Variants in NCKAP5 observed in about 807,000 individuals in gnomAD.
NCKAP5 encodes NCK associated protein 5.
Under a neutral mutation model 167.0 loss-of-function variants are expected in NCKAP5, and 92 were observed. That is an observed-to-expected ratio of 0.55 (90% CI 0.47 to 0.66). The LOEUF is 0.66. NCKAP5 is among the 30% of genes least tolerant of loss of function. The probability of loss-of-function intolerance (pLI) is 0.00; values close to 1 mark genes in which losing one functional copy is unlikely to be tolerated. For missense variants in NCKAP5, 2,378 were observed against 2,315.0 expected (o/e 1.03, Z -0.56); for synonymous variants, 891 against 877.4 (o/e 1.02, Z -0.27).
chr2:133,569,875 A>G (rs1688795126), upstream of NCKAP5, among the ~76,000 whole-genome samples: 1 of 152,152 alleles, frequency 6.6e-6, no homozygotes, highest in African/African-American at 2.4e-5. Context: ...CCATGTTAAG[A>G]GAAAGTAAAT....
At chr2:133,670,376 T>C in the NCKAP5 span, among the ~76,000 whole-genome samples, 1 of 152,180 alleles carries the variant, frequency 6.6e-6, no homozygotes, top group Non-Finnish European at 1.5e-5. Context: ...AAAAAGAAGG[T>C]ATGTTTCAAA....
chr2:132,942,370 TGAG>T (rs138514737), intron 8 of NCKAP5, among the ~76,000 whole-genome samples: 3,016 of 152,292 alleles, frequency 0.02, 92 homozygotes, highest in African/African-American at 0.055. Flanking sequence ...TCTGTGGGGC[TGAG>T]GTTGGGCCTG....
the NCKAP5 span, among the ~76,000 whole-genome samples, chr2:133,615,758 C>A: frequency 3.9e-5 from 6 of 152,110 alleles, no homozygotes; most frequent in Non-Finnish European, 7.3e-5. Context: ...AGAAAGTCAA[C>A]AAGGATACCC....
intron 11 of NCKAP5, among the ~76,000 whole-genome samples, chr2:132,800,682 T>C (rs1684955085): frequency 6.6e-6 from 1 of 152,128 alleles, no homozygotes; most frequent in Non-Finnish European, 1.5e-5. Context: ...TCCTGTTCAG[T>C]ATTCAGGATG....
chr2:133,335,618 G>A (rs1281116455), intron 3 of NCKAP5, among the ~76,000 whole-genome samples: 2 of 152,086 alleles, frequency 1.3e-5, no homozygotes, highest in Non-Finnish European at 2.9e-5. Context: ...AAAAATTTTT[G>A]CCTGATGATA....
At chr2:133,638,385 GC>G in the NCKAP5 span, among the ~76,000 whole-genome samples, 1 of 152,094 alleles carries the variant, frequency 6.6e-6, no homozygotes, top group Non-Finnish European at 1.5e-5. Flanking sequence ...ATTAAATTAA[GC>G]ACGCATATAA....
chr2:132,836,016 A>G (rs1426689785), intron 11 of NCKAP5, among the ~76,000 whole-genome samples: 1 of 152,192 alleles, frequency 6.6e-6, no homozygotes, highest in African/African-American at 2.4e-5. Flanking sequence ...TTGATGGGAC[A>G]ACTGAGGTAT....
At chr2:133,454,737 G>A (rs576485942) in intron 3 of NCKAP5, among the ~76,000 whole-genome samples, 2 of 152,022 alleles carry the variant, frequency 1.3e-5, no homozygotes, top group African/African-American at 2.4e-5. Flanking sequence ...CAGGTTGTAC[G>A]GGCCTACATA....
At chr2:133,440,833 T>C (rs1450923121) in intron 3 of NCKAP5, among the ~76,000 whole-genome samples, 1 of 151,742 alleles carries the variant, frequency 6.6e-6, no homozygotes, top group Non-Finnish European at 1.5e-5. Context: ...ATTCTAAGCC[T>C]TCCAGTTGCA....
intron 8 of NCKAP5, among the ~76,000 whole-genome samples, chr2:132,957,692 AT>A (rs146170348): frequency 0.022 from 3,356 of 152,292 alleles, 119 homozygotes; most frequent in East Asian, 0.093. Flanking sequence ...AACCTAAAAA[AT>A]ATTACTCTAA....
rs1441300319 is a variant in NCKAP5 at position 133,526,212 on chromosome 2, GAAGGAAGGAAGGAAGA to G, written c.-61-8641_-61-8626del. Among the ~76,000 whole-genome samples the G allele has an allele frequency of 9.9e-4, 133 of 133,928 alleles. 1 individual carries two copies. The highest frequency in any genetic ancestry group is 3.4e-3 in the Admixed American group (42 of 12,248). 87.9% of individuals were successfully genotyped at this position (133,928 alleles called of 152,430 possible). On this transcript the variant is annotated intron_variant, in intron 2 of 19. Coordinates refer to ENST00000409261, the MANE Select transcript of NCKAP5 (RefSeq NM_207363.3). ...GGAAGGAAGGAAGGAAGGAAGGAAG[GAAGGAAGGAAGGAAGA>G]AAGGAAAGGAGGGAGGGAAGGAGGG...
intron 6 of NCKAP5, among the ~76,000 whole-genome samples, chr2:133,114,221 A>C (rs1000569565): frequency 6.6e-6 from 1 of 152,224 alleles, no homozygotes; most frequent in Non-Finnish European, 1.5e-5. Context: ...TAAGATTGCA[A>C]CTAATAATCT....
In NCKAP5 at chr2:133,474,154, A is replaced by ATCTATC. The variant is rs369130877; in HGVS notation, c.69+43303_69+43304insGATAGA. Among the ~76,000 whole-genome samples the ATCTATC allele has an allele frequency of 2.1e-3, 279 of 135,332 alleles. 1 individual carries two copies. The highest frequency in any genetic ancestry group is 8.8e-3 in the African/African-American group (235 of 26,756). The allele number at this position is 135,332 out of a possible 152,430, so 88.8% of individuals were successfully genotyped here. ...TATCTATCTATCTATCTATCTATCT[A>ATCTATC]TACACACACACACACACACACACGT... On this transcript the variant is annotated intron_variant, in intron 3 of 19. Coordinates refer to ENST00000409261, the MANE Select transcript of NCKAP5 (RefSeq NM_207363.3).
chr2:133,154,122 G>A (rs1157797999), intron 5 of NCKAP5, among the ~76,000 whole-genome samples: 5 of 152,050 alleles, frequency 3.3e-5, no homozygotes, highest in East Asian at 1.9e-4. Flanking sequence ...GATTACAGGC[G>A]TGAGCCACCA....
chr2:133,202,129 C>A (rs1048714297), intron 5 of NCKAP5, among the ~76,000 whole-genome samples: 4 of 152,182 alleles, frequency 2.6e-5, no homozygotes, highest in African/African-American at 7.2e-5. Flanking sequence ...TACCTGACTT[C>A]AAACTATACT....
At chr2:133,102,740 T>C (rs1176758507) in intron 6 of NCKAP5, among the ~76,000 whole-genome samples, 2 of 128,654 alleles carry the variant, frequency 1.6e-5, no homozygotes, top group Non-Finnish European at 3.2e-5. Flanking sequence ...TAGACAAGCA[T>C]GTAAACACAC....
At chr2:133,327,603 A>T (rs981745587) in intron 3 of NCKAP5, among the ~76,000 whole-genome samples, 9 of 152,218 alleles carry the variant, frequency 5.9e-5, no homozygotes, top group African/African-American at 1.2e-4. Context: ...AGAAAGGAAT[A>T]AAAATGATAA....
chr2:133,531,577 G>A (rs1312420606), intron 2 of NCKAP5, among the ~76,000 whole-genome samples: 1 of 152,018 alleles, frequency 6.6e-6, no homozygotes, highest in Non-Finnish European at 1.5e-5. Context: ...ATACTTACAA[G>A]TCTTGTTTCA....
chr2:133,153,144 T>C (rs2083442208), intron 5 of NCKAP5, among the ~76,000 whole-genome samples: 1 of 152,224 alleles, frequency 6.6e-6, no homozygotes, highest in South Asian at 2.1e-4. Context: ...CATGGATGAA[T>C]AGATGGCATG....
Sources: gnomAD v4.1 joint callset for allele counts (sites outside exome capture counted in the v4.1 genomes callset) on GRCh38, gnomAD v4.1.1 for gene constraint, MANE v1.5 for transcripts, NCBI Gene and HGNC (gene_info 2026-07-23, HGNC 2026-07-21) for gene names.